Variants in ULK4 observed in about 807,000 individuals in gnomAD.
The protein encoded by ULK4 is inactive serine/threonine-protein kinase ULK4.
A neutral mutation model predicts 160.6 loss-of-function variants in ULK4; 133 were observed. The ratio of observed to expected loss-of-function variants is 0.83; its 90% CI spans 0.72 to 0.96. The LOEUF (loss-of-function observed/expected upper bound fraction) is 0.96. Among genes scored for constraint, ULK4 ranks in the 40% least tolerant of loss-of-function variants. The pLI is 0.00. For missense variants in ULK4, 1,580 were observed against 1,499.5 expected (o/e 1.05, Z -0.89); for synonymous variants, 534 against 539.8 (o/e 0.99, Z 0.15).
intron 22 of ULK4, among the ~76,000 whole-genome samples, chr3:41,725,257 T>G (rs1042872019): frequency 6.6e-6 from 1 of 152,182 alleles, no homozygotes; most frequent in African/African-American, 2.4e-5. Context: ...AAACAGAAAA[T>G]CATAAAATCT....
intron 32 of ULK4, among the ~76,000 whole-genome samples, chr3:41,467,917 T>C (rs1022418391): frequency 1.3e-5 from 2 of 152,190 alleles, no homozygotes; most frequent in Admixed American, 6.5e-5. Context: ...TTTGTACCTT[T>C]TACTGCATAT....
intron 31 of ULK4, among the ~76,000 whole-genome samples, chr3:41,567,723 A>C (rs966307262): frequency 6.6e-6 from 1 of 152,136 alleles, no homozygotes; most frequent in Non-Finnish European, 1.5e-5. Flanking sequence ...TCAGCCTCCC[A>C]AAGTGCTGGG....
At chr3:41,397,978 T>C in intron 35 of ULK4, 101 bp downstream of exon 35, 1 of 1,363,520 alleles carries the variant, frequency 7.3e-7, no homozygotes, top group East Asian at 2.3e-5. Context: ...TCTTGCAAAT[T>C]CTCTGTAAAT....
chr3:41,416,426 A>G (rs980852394), intron 34 of ULK4, among the ~76,000 whole-genome samples: 2 of 152,098 alleles, frequency 1.3e-5, no homozygotes, highest in Non-Finnish European at 2.9e-5. Flanking sequence ...CACCCTCCCA[A>G]TTTCTTCATG....
Position 41,569,377 on chromosome 3 carries a change from A to C in ULK4, c.3121-3247T>G, listed in dbSNP as rs140593441. 2.6e-4 allele frequency among the ~76,000 whole-genome samples: 39 copies of C among 152,274 alleles called. No individual in the cohort carries two copies. In the East Asian group the frequency reaches 7.3e-3, roughly 29 times the overall value. On this transcript the variant is annotated intron_variant, in intron 31 of 36. Coordinates refer to ENST00000301831, the MANE Select transcript of ULK4 (RefSeq NM_017886.4). ...GCTACCCTAGGGGATGCCAGCCATCAACTCATTAGCATACAAAAAGACAGC... is the reference window on the plus strand; with the variant it reads ...GCTACCCTAGGGGATGCCAGCCATCCACTCATTAGCATACAAAAAGACAGC...
At chr3:41,883,822 C>T (rs1426634623) in intron 17 of ULK4, 52 bp downstream of exon 17, 92 of 1,473,582 alleles carry the variant, frequency 6.2e-5, no homozygotes, top group Admixed American at 2.7e-4. Flanking sequence ...ATTACAGAAT[C>T]AAGAACAGTA....
intron 17 of ULK4, among the ~76,000 whole-genome samples, chr3:41,865,802 T>A (rs1281867679): frequency 2.0e-5 from 3 of 152,066 alleles, no homozygotes; most frequent in South Asian, 2.1e-4. Flanking sequence ...AATTTTATTG[T>A]AGGTTAAAAT....
chr3:41,831,239 C>T (rs974048076), intron 18 of ULK4, among the ~76,000 whole-genome samples: 6 of 151,786 alleles, frequency 4.0e-5, no homozygotes, highest in Non-Finnish European at 7.4e-5. Flanking sequence ...TTGACCAGGG[C>T]GGTCTCAAAC....
At chr3:41,687,749 C>A (rs377111635) in intron 27 of ULK4, 3 of 152,194 alleles carry the variant, frequency 2.0e-5, no homozygotes, top group Admixed American at 6.5e-5. Context: ...AAGATAAAGA[C>A]ACTTCCAAAT....
chr3:41,473,757 AT>A (rs1197242841), intron 32 of ULK4, among the ~76,000 whole-genome samples: 2 of 151,946 alleles, frequency 1.3e-5, no homozygotes, highest in Admixed American at 1.3e-4. Context: ...TTGTAAAAAA[AT>A]ACTTATGAAT....
chr3:41,378,755 A>G (rs1475653206), intron 35 of ULK4, among the ~76,000 whole-genome samples: 1 of 152,064 alleles, frequency 6.6e-6, no homozygotes, highest in Non-Finnish European at 1.5e-5. Context: ...CGTTGTGCAC[A>G]TGTACCCTAG....
At chr3:41,368,544 C>G (rs1041118411) in intron 35 of ULK4, among the ~76,000 whole-genome samples, 1 of 152,192 alleles carries the variant, frequency 6.6e-6, no homozygotes, top group African/African-American at 2.4e-5. Flanking sequence ...TCTATAGCCT[C>G]CAGCAACCAC....
intron 32 of ULK4, among the ~76,000 whole-genome samples, chr3:41,486,131 A>G (rs1292555188): frequency 1.3e-5 from 2 of 152,134 alleles, no homozygotes; most frequent in African/African-American, 4.8e-5. Flanking sequence ...ATGTGCACGT[A>G]TCTCATGAAT....
intron 35 of ULK4, among the ~76,000 whole-genome samples, chr3:41,373,686 A>T (rs139474286): frequency 8.8e-4 from 134 of 152,374 alleles, no homozygotes; most frequent in African/African-American, 3.1e-3. Context: ...AGAAAGCGGG[A>T]AAGATCTAAA....
intron 22 of ULK4, among the ~76,000 whole-genome samples, chr3:41,738,038 T>C (rs2038115245): frequency 6.6e-6 from 1 of 150,838 alleles, no homozygotes; most frequent in South Asian, 2.1e-4. Context: ...TAAAACCAAA[T>C]CATAAAAATT....
At chr3:41,466,510 C>T (rs1314177062) in intron 32 of ULK4, among the ~76,000 whole-genome samples, 3 of 152,088 alleles carry the variant, frequency 2.0e-5, no homozygotes, top group African/African-American at 7.2e-5. Flanking sequence ...CATACAAACA[C>T]TAATTTCAGA....
intron 1 of ULK4, among the ~76,000 whole-genome samples, chr3:41,958,782 G>A (rs570394235): frequency 6.6e-6 from 1 of 152,104 alleles, no homozygotes; most frequent in East Asian, 1.9e-4. Context: ...TCTAGGAGAG[G>A]AAAGCTTTTT....
chr3:41,945,117 C>G (rs769794676), intron 2 of ULK4, among the ~76,000 whole-genome samples: 1 of 152,152 alleles, frequency 6.6e-6, no homozygotes, highest in Non-Finnish European at 1.5e-5. Flanking sequence ...AGCACTGGCC[C>G]CTGTCTCCAT....
intron 20 of ULK4, among the ~76,000 whole-genome samples, chr3:41,794,660 C>CAAAAAAAAAAAAAAAAAAAAAAAAAAAA (rs71075484): frequency 7.9e-4 from 15 of 18,984 alleles, no homozygotes; most frequent in Non-Finnish European, 1.1e-3. Flanking sequence ...GACTCTGTCT[C>CAAAAAAAAAAAAAAAAAAAAAAAAAAAA]AAAAAAAAAA....
Sources: allele counts gnomAD v4.1 joint callset (sites outside exome capture counted in the v4.1 genomes callset), GRCh38; gene constraint gnomAD v4.1.1; transcripts MANE v1.5; gene names NCBI Gene and HGNC (gene_info 2026-07-23, HGNC 2026-07-21).